The following HIP1 variants were observed in gnomAD, a reference collection of about 807,000 sequenced individuals.
HIP1 encodes huntingtin-interacting protein 1.
Under a neutral mutation model 147.6 loss-of-function variants are expected in HIP1, and 65 were observed. That is an observed-to-expected ratio of 0.44 (90% confidence interval 0.36 to 0.54). The LOEUF is 0.54. Among genes scored for constraint, HIP1 ranks in the 20% least tolerant of loss-of-function variants. The pLI, the probability that HIP1 is intolerant of heterozygous loss-of-function variation, is 0.00. For synonymous variants in HIP1, 479 were observed against 504.0 expected (o/e 0.95, Z 0.67); for missense variants, 1,061 against 1,299.6 (o/e 0.82, Z 2.82).
At chr7:75,662,629 C>G (rs975833624) in intron 1 of HIP1, among the ~76,000 whole-genome samples, 2 of 152,278 alleles carry the variant, frequency 1.3e-5, no homozygotes, top group East Asian at 3.9e-4. Context: ...CCTCAACTTC[C>G]CTAGAAGCTG....
rs1800657966 is a variant in HIP1 at position 75,696,907 on chromosome 7, T to C, written c.120+41894A>G. Among the ~76,000 whole-genome samples, 4 of 151,652 alleles carry C rather than the reference T, an allele frequency of 2.6e-5. No individual in the cohort carries two copies. The South Asian group carries it at 6.3e-4, about 24-fold the overall frequency. ...GAGCCACTGTGCCAGGCCCAGTGTT[T>C]TTCTCACTTGCATATTTCTGAGTGC... is the stretch of plus-strand genomic sequence containing the variant. On this transcript the variant is annotated intron_variant, in intron 1 of 30. Coordinates refer to ENST00000336926, the MANE Select transcript of HIP1 (RefSeq NM_005338.7).
intron 7 of HIP1, among the ~76,000 whole-genome samples, chr7:75,576,520 G>A (rs1053748932): frequency 5.9e-5 from 9 of 152,082 alleles, no homozygotes; most frequent in Admixed American, 3.3e-4. Flanking sequence ...TCAAGAGTTC[G>A]AGGCCAGCCT....
intron 1 of HIP1, among the ~76,000 whole-genome samples, chr7:75,725,816 T>A (rs1801631934): frequency 7.0e-6 from 1 of 143,734 alleles, no homozygotes; most frequent in Admixed American, 7.8e-5. Context: ...TGGGTGCATG[T>A]GCTATGCATT....
intron 1 of HIP1, among the ~76,000 whole-genome samples, chr7:75,696,547 TTCCCCTCCCCTCCCTTCCCCTCGCC>T (rs1554518781): frequency 5.0e-5 from 3 of 59,690 alleles, no homozygotes; most frequent in African/African-American, 1.4e-4. Context: ...CTCCCTTCCC[TTCCCCTCCCCTCCCTTCCCCTCGCC>T]TCCCCTCCCC....
At chr7:75,589,727 T>G (rs112686492) in intron 4 of HIP1, among the ~76,000 whole-genome samples, 20,624 of 128,890 alleles carry the variant, frequency 0.16, 2,800 homozygotes, top group Non-Finnish European at 0.21. Context: ...ACTTTTTTTT[T>G]GGGTTTTTTT....
chr7:75,566,540 C>A (rs961788380), intron 9 of HIP1, among the ~76,000 whole-genome samples: 2 of 151,438 alleles, frequency 1.3e-5, no homozygotes, highest in African/African-American at 4.9e-5. Flanking sequence ...TGGAAAGGGG[C>A]GCTAACTTCC....
intron 1 of HIP1, among the ~76,000 whole-genome samples, chr7:75,728,263 TCC>T (rs1801717000): frequency 6.6e-6 from 1 of 152,182 alleles, no homozygotes; most frequent in Non-Finnish European, 1.5e-5. Flanking sequence ...CATTCTCTCT[TCC>T]TCTGAGCCAG....
intron 23 of HIP1, among the ~76,000 whole-genome samples, chr7:75,548,677 A>G (rs1554491495): frequency 6.6e-6 from 1 of 151,776 alleles, no homozygotes; most frequent in Admixed American, 6.6e-5. Flanking sequence ...GGGTCTTGCT[A>G]TGATGTCCAG....
intron 1 of HIP1, among the ~76,000 whole-genome samples, chr7:75,684,474 A>G (rs531787729): frequency 7.4e-5 from 11 of 149,314 alleles, no homozygotes; most frequent in African/African-American, 2.2e-4. Flanking sequence ...AAAAAAAAGT[A>G]CATAAACAGC....
intron 1 of HIP1, among the ~76,000 whole-genome samples, chr7:75,639,586 TGTGTGTGCGCCCGC>T (rs1798575142): frequency 6.7e-6 from 1 of 150,236 alleles, no homozygotes; most frequent in African/African-American, 2.5e-5. Context: ...TGTGTGTGTG[TGTGTGTGCGCCCGC>T]GTGTGTGTGC....
intron 1 of HIP1, 108 bp downstream of exon 1, chr7:75,738,693 C>T (rs113931213): frequency 2.3e-6 from 3 of 1,326,642 alleles, no homozygotes; most frequent in Non-Finnish European, 3.1e-6. Context: ...TACACCCTCG[C>T]CCCGTCTTCA....
intron 1 of HIP1, among the ~76,000 whole-genome samples, chr7:75,664,050 G>A (rs372401306): frequency 1.2e-4 from 2 of 16,510 alleles, no homozygotes; most frequent in Non-Finnish European, 2.1e-4. Flanking sequence ...ACATATATGT[G>A]TATATACACA....
rs375931740 is a variant in HIP1, at chr7:75,576,357, C to T, written c.605-2456G>A. On this transcript the variant is annotated intron_variant, in intron 7 of 30. Transcript: ENST00000336926. Reference sequence around the variant, plus strand: ...AAAGTCTTCCTGCAACCCCCAGAACCGCCCCACCATCTGTTTCAATTGGTC... The same window carrying T: ...AAAGTCTTCCTGCAACCCCCAGAACTGCCCCACCATCTGTTTCAATTGGTC... Among the ~76,000 whole-genome samples, 24 of 152,288 alleles carry T rather than the reference C, an allele frequency of 1.6e-4. No homozygotes were observed. The East Asian group carries it at 2.7e-3, about 17-fold the overall frequency.
At chr7:75,539,008 TG>T (rs1563186016) in intron 30 of HIP1, among the ~76,000 whole-genome samples, 1 of 152,186 alleles carries the variant, frequency 6.6e-6, no homozygotes, top group Non-Finnish European at 1.5e-5. Context: ...AACTCTCTGC[TG>T]GCCAGAAACT....
At chr7:75,722,091 G>C (rs1359452470) in intron 1 of HIP1, among the ~76,000 whole-genome samples, 2 of 152,102 alleles carry the variant, frequency 1.3e-5, no homozygotes, top group Non-Finnish European at 2.9e-5. Flanking sequence ...ATCACTTGAG[G>C]CCAGGAGTTC....
intron 1 of HIP1, among the ~76,000 whole-genome samples, chr7:75,714,918 G>T (rs1482676415): frequency 1.3e-5 from 2 of 152,126 alleles, no homozygotes; most frequent in African/African-American, 4.8e-5. Flanking sequence ...ACGCTGCACC[G>T]ACTGCAATGT....
intron 15 of HIP1, 46 bp from the exon 16 acceptor site, chr7:75,557,816 G>C (rs1554493739): frequency 7.2e-7 from 1 of 1,382,556 alleles, no homozygotes; most frequent in Non-Finnish European, 1.0e-6. Context: ...CCCAGGCTTA[G>C]AGGACATCCT....
chr7:75,664,228 T>C (rs1799457456), intron 1 of HIP1, among the ~76,000 whole-genome samples: 1 of 121,134 alleles, frequency 8.3e-6, no homozygotes, highest in South Asian at 2.5e-4. Flanking sequence ...ATATATTGTG[T>C]GTGTATACAT....
At chr7:75,607,940 G>A (rs1407152905) in intron 1 of HIP1, among the ~76,000 whole-genome samples, 3 of 152,038 alleles carry the variant, frequency 2.0e-5, no homozygotes, top group Admixed American at 2.0e-4. Flanking sequence ...AGGTACAAAG[G>A]AAATTTTCTA....
Sources: gnomAD v4.1 joint callset for allele counts (sites outside exome capture counted in the v4.1 genomes callset) on GRCh38, gnomAD v4.1.1 for gene constraint, MANE v1.5 for transcripts, NCBI Gene and HGNC (gene_info 2026-07-23, HGNC 2026-07-21) for gene names.